TRIM44: variants seen among roughly 807,000 people sequenced by gnomAD.
TRIM44 encodes tripartite motif-containing protein 44.
Under a neutral mutation model 37.4 loss-of-function variants are expected in TRIM44, and 13 were observed. That is an observed-to-expected ratio of 0.35 (90% CI 0.23 to 0.55). The LOEUF (loss-of-function observed/expected upper bound fraction) is 0.55. TRIM44 is among the 20% of genes least tolerant of loss of function. TRIM44 has a pLI of 0.89. For synonymous variants in TRIM44, 175 were observed against 157.2 expected (o/e 1.11, Z -0.85); for missense variants, 426 against 437.2 (o/e 0.97, Z 0.23).
At chr11:35,725,646 C>T (rs2135515805) in intron 2 of TRIM44, among the ~76,000 whole-genome samples, 1 of 152,004 alleles carries the variant, frequency 6.6e-6, no homozygotes, top group African/African-American at 2.4e-5. Flanking sequence ...TCATTTTTTA[C>T]TGTATATATT....
chr11:35,783,663 CAT>C (rs1436752563), intron 4 of TRIM44, among the ~76,000 whole-genome samples: 3 of 152,118 alleles, frequency 2.0e-5, no homozygotes, highest in South Asian at 2.1e-4. Flanking sequence ...TGTGTGTGTG[CAT>C]ATGTTTTTGT....
chr11:35,704,831 T>G (rs896125962), intron 2 of TRIM44, among the ~76,000 whole-genome samples: 18 of 152,248 alleles, frequency 1.2e-4, no homozygotes, highest in African/African-American at 2.6e-4. Flanking sequence ...AGACCATCGA[T>G]GCTCGGAAGA....
chr11:35,671,774 A>C (rs1317468749), intron 1 of TRIM44, among the ~76,000 whole-genome samples: 2 of 152,238 alleles, frequency 1.3e-5, no homozygotes, highest in Non-Finnish European at 2.9e-5. Flanking sequence ...CACTTGAAGT[A>C]CTGTTCTTTC....
chr11:35,771,601 T>C (rs1852871970), intron 4 of TRIM44, among the ~76,000 whole-genome samples: 1 of 152,032 alleles, frequency 6.6e-6, no homozygotes, highest in African/African-American at 2.4e-5. Context: ...GTCAGATGCC[T>C]GTAATCTCAG....
intron 2 of TRIM44, among the ~76,000 whole-genome samples, chr11:35,695,272 C>T (rs912949182): frequency 2.6e-5 from 4 of 152,108 alleles, no homozygotes; most frequent in Non-Finnish European, 5.9e-5. Flanking sequence ...TAACATTAGA[C>T]TTATGTCCTC....
rs1207615135 is a variant in TRIM44, at chr11:35,810,278, T to C, written c.*3893T>C. 1 of 152,144 alleles carries C rather than the reference T, an allele frequency of 6.6e-6. No individual in the cohort carries two copies. Among genetic ancestry groups the C allele is most frequent in the Non-Finnish European group, 1.5e-5 (1 of 68,016 alleles). The allele number at this position is 152,144 out of a possible 1,614,324, so 9.4% of individuals were successfully genotyped here. A position where few individuals can be genotyped will look rare whatever the true frequency, so the allele number is the denominator to read the frequency against. The stretch of plus-strand genomic sequence containing the variant: ...CCAAGTAGAAAATATTCTCTTGCCA[T>C]TCCTGAAATTCCACATTCATATAAT... On this transcript the variant is annotated 3_prime_UTR_variant, in exon 5 of 5. Coordinates refer to ENST00000299413, the MANE Select transcript of TRIM44 (RefSeq NM_017583.6).
At chr11:35,781,151 A>G (rs1853060007) in intron 4 of TRIM44, among the ~76,000 whole-genome samples, 1 of 152,170 alleles carries the variant, frequency 6.6e-6, no homozygotes, top group African/African-American at 2.4e-5. Flanking sequence ...ACCTGACAGA[A>G]CAAAGGAGCC....
chr11:35,753,174 A>G (rs564434817), intron 4 of TRIM44, among the ~76,000 whole-genome samples: 1 of 152,326 alleles, frequency 6.6e-6, no homozygotes, highest in South Asian at 2.1e-4. Flanking sequence ...TTTGTTATTT[A>G]CAAAATGGGG....
At chr11:35,804,667 C>T (rs777965558) in intron 4 of TRIM44, among the ~76,000 whole-genome samples, 58 of 152,168 alleles carry the variant, frequency 3.8e-4, no homozygotes, top group Non-Finnish European at 5.4e-4. Flanking sequence ...TCATAAAAGA[C>T]CCTGTGTTCC....
chr11:35,663,262 A>G lies in TRIM44; in HGVS notation c.151A>G (p.Lys51Glu). Reference protein sequence around the residue: ...CRRHAEAHRQKFLSHHLAEYV... With the variant: ...CRRHAEAHRQEFLSHHLAEYV... ...CCGCCATGCCGAGGCGCACAGGCAG[A>G]AGTTCCTCAGTCACCATCTGGCCGA... Residue 51 changes from lysine to glutamate, a missense_variant, in exon 1 of 5, where the codon AAG becomes GAG. By Grantham distance (56) the Lys-to-Glu change is moderately conservative (BLOSUM62 1). Transcript: ENST00000299413. The G allele has an allele frequency of 3.7e-6, 6 of 1,612,072 alleles. No homozygotes were observed. Among genetic ancestry groups the G allele is most frequent in the Non-Finnish European group, 5.1e-6 (6 of 1,178,316 alleles).
At chr11:35,676,798 C>T (rs1183295318) in intron 1 of TRIM44, among the ~76,000 whole-genome samples, 2 of 152,156 alleles carry the variant, frequency 1.3e-5, no homozygotes, top group Non-Finnish European at 2.9e-5. Context: ...TTGGTAGACT[C>T]TGACTTCATG....
intron 4 of TRIM44, among the ~76,000 whole-genome samples, chr11:35,746,400 C>G (rs1232858960): frequency 2.0e-5 from 3 of 148,924 alleles, no homozygotes; most frequent in Non-Finnish European, 4.4e-5. Flanking sequence ...GAGAGGCAGG[C>G]AAGAGGTCAG....
chr11:35,743,599 G>A (rs1852443009), intron 4 of TRIM44, among the ~76,000 whole-genome samples: 2 of 152,270 alleles, frequency 1.3e-5, no homozygotes, highest in South Asian at 4.2e-4. Flanking sequence ...TATTTGATTT[G>A]TGTCTGTTTT....
intron 4 of TRIM44, among the ~76,000 whole-genome samples, chr11:35,740,138 A>G (rs1852376029): frequency 1.5e-5 from 2 of 135,816 alleles, no homozygotes; most frequent in Non-Finnish European, 3.1e-5. Flanking sequence ...TGAAGCCCAG[A>G]GTGATTTTTT....
intron 4 of TRIM44, among the ~76,000 whole-genome samples, chr11:35,739,954 C>T (rs1852371563): frequency 6.6e-6 from 1 of 151,990 alleles, no homozygotes; most frequent in Non-Finnish European, 1.5e-5. Flanking sequence ...CAAAAATTAG[C>T]TGGGCATGGT....
rs1042257150 is a variant in TRIM44, at chr11:35,817,793, G to A, written c.*11408G>A. On this transcript the variant is annotated 3_prime_UTR_variant, in exon 5 of 5. Coordinates refer to ENST00000299413, the MANE Select transcript of TRIM44 (RefSeq NM_017583.6). ...AACAACATCCGCCCTTTGTTGTCAT[G>A]ATAGTGAGTTCTTGTGAGATCTGGT... The A allele has an allele frequency of 2.6e-5, 4 of 152,186 alleles. No homozygotes were observed. Among genetic ancestry groups the A allele is most frequent in the African/African-American group, 9.7e-5 (4 of 41,440 alleles). The allele number at this position is 152,186 out of a possible 1,614,324, so 9.4% of individuals were successfully genotyped here. A position where few individuals can be genotyped will look rare whatever the true frequency, so the allele number is the denominator to read the frequency against.
intron 4 of TRIM44, among the ~76,000 whole-genome samples, chr11:35,736,811 A>G (rs990257129): frequency 1.3e-5 from 2 of 152,314 alleles, no homozygotes; most frequent in East Asian, 3.9e-4. Flanking sequence ...TCTCAGGAAC[A>G]GGCTCCTTCT....
chr11:35,665,706 T>C (rs1316096867), intron 1 of TRIM44, among the ~76,000 whole-genome samples: 1 of 148,228 alleles, frequency 6.7e-6, no homozygotes, highest in African/African-American at 2.5e-5. Flanking sequence ...ACGATTCTCC[T>C]GCCTCAGCCA....
chr11:35,708,577 C>T (rs1411819878), intron 2 of TRIM44, among the ~76,000 whole-genome samples: 1 of 151,712 alleles, frequency 6.6e-6, no homozygotes, highest in Non-Finnish European at 1.5e-5. Flanking sequence ...GAATACTATG[C>T]AGCCATAAAA....
Sources: allele counts gnomAD v4.1 joint callset (sites outside exome capture counted in the v4.1 genomes callset), GRCh38; gene constraint gnomAD v4.1.1; transcripts MANE v1.5; gene names NCBI Gene and HGNC (gene_info 2026-07-23, HGNC 2026-07-21).